The following RGS7 variants were observed in gnomAD, a reference collection of about 807,000 sequenced individuals.
The protein encoded by RGS7 is regulator of G protein signaling 7, also known as regulator of G-protein signaling 7.
RGS7 carries 27 observed loss-of-function variants against 81.1 expected under a neutral mutation model. That is an observed-to-expected ratio of 0.33 (90% CI 0.25 to 0.46). The LOEUF is 0.46. RGS7 is among the 20% of genes least tolerant of loss of function. The pLI, the probability that RGS7 is intolerant of heterozygous loss-of-function variation, is 1.00. For missense variants in RGS7, 396 were observed against 607.4 expected, an observed-to-expected ratio of 0.65 and a Z score of 3.66; for synonymous variants, 208 against 207.7, an observed-to-expected ratio of 1.00 and a Z score of -0.01.
chr1:241,320,072 C>G (rs1417964451), intron 2 of RGS7, among the ~76,000 whole-genome samples: 1 of 152,136 alleles, frequency 6.6e-6, no homozygotes, highest in Non-Finnish European at 1.5e-5. Context: ...GCCTGGGCAA[C>G]AGAGCGAGAC....
rs35939099 is a variant in RGS7, at chr1:241,299,935, CAAA to C, written c.78+55761_78+55763del. 9.0e-3 allele frequency among the ~76,000 whole-genome samples: 523 copies of C among 58,082 alleles called. 6 individuals carry two copies. The highest frequency in any genetic ancestry group is 0.033 in the African/African-American group (499 of 15,044). 38.1% of individuals were successfully genotyped at this position (58,082 alleles called of 152,430 possible). A position where few individuals can be genotyped will look rare whatever the true frequency, so the allele number is the denominator to read the frequency against. ...GTAACACACAGATACCTCGTTTCTC[CAAA>C]AAAAAAAAAAAAAAAAAAAAGTAAA... On this transcript the variant is annotated intron_variant, in intron 2 of 18. Transcript: ENST00000440928.
At chr1:240,907,369 AAAATACT>A (rs1670987300) in intron 6 of RGS7, among the ~76,000 whole-genome samples, 1 of 152,108 alleles carries the variant, frequency 6.6e-6, no homozygotes, top group African/African-American at 2.4e-5. Context: ...TAAAATAAAT[AAAATACT>A]AAATACTAAA....
chr1:241,124,585 G>GT (rs1331377749), intron 2 of RGS7, among the ~76,000 whole-genome samples: 1 of 152,212 alleles, frequency 6.6e-6, no homozygotes, highest in Non-Finnish European at 1.5e-5. Flanking sequence ...GTACAAGGCG[G>GT]TTCTATTAAA....
At chr1:240,920,075 T>C (rs1673248395) in intron 6 of RGS7, 2 of 962,248 alleles carry the variant, frequency 2.1e-6, no homozygotes, top group Non-Finnish European at 3.3e-6. Context: ...ATTGAGGCAA[T>C]GGCAAGAAAA....
chr1:241,078,794 C>A (rs1165826275), intron 3 of RGS7, among the ~76,000 whole-genome samples: 1 of 152,042 alleles, frequency 6.6e-6, no homozygotes, highest in Non-Finnish European at 1.5e-5. Flanking sequence ...TTGCTGACAG[C>A]ACTTATGACC....
chr1:240,889,887 T>G (rs1032136872), intron 6 of RGS7, among the ~76,000 whole-genome samples: 2 of 152,096 alleles, frequency 1.3e-5, no homozygotes, highest in Non-Finnish European at 2.9e-5. Flanking sequence ...ATGCGCACAC[T>G]AGAGGCTGAT....
At chr1:241,275,756 T>C (rs372642220) in intron 2 of RGS7, among the ~76,000 whole-genome samples, 18 of 152,330 alleles carry the variant, frequency 1.2e-4, no homozygotes, top group Middle Eastern at 3.4e-3. Flanking sequence ...GCTGCAAGCA[T>C]TGCCATTCCA....
chr1:241,039,189 T>C (rs1030411253), intron 3 of RGS7, among the ~76,000 whole-genome samples: 4 of 152,176 alleles, frequency 2.6e-5, no homozygotes, highest in African/African-American at 7.2e-5. Flanking sequence ...TGTAGTTGCA[T>C]TGGTCCAGGG....
chr1:241,084,209 A>G (rs188135234), intron 3 of RGS7, among the ~76,000 whole-genome samples: 2 of 152,306 alleles, frequency 1.3e-5, no homozygotes, highest in Admixed American at 1.3e-4. Flanking sequence ...TAACACTGAG[A>G]CATATTCATC....
At position 240,937,246 on chromosome 1, in the gene RGS7, G is replaced by A. The variant is rs563753557; in HGVS notation, c.227-540C>T. 3.9e-5 allele frequency among the ~76,000 whole-genome samples: 6 copies of A among 152,284 alleles called. No individual in the cohort carries two copies. The South Asian group carries it at 1.2e-3, about 32-fold the overall frequency. ...AAAAACCCCTTCCCTCCTTTGTTCG[G>A]TGTGCTCTCGCAGTGGCCAGAAGTG... On this transcript the variant is annotated intron_variant, in intron 4 of 18. Coordinates refer to ENST00000440928, the MANE Select transcript of RGS7 (RefSeq NM_001364886.1).
At chr1:241,331,458 T>C (rs564551611) in intron 2 of RGS7, among the ~76,000 whole-genome samples, 7 of 152,218 alleles carry the variant, frequency 4.6e-5, no homozygotes, top group Non-Finnish European at 8.8e-5. Context: ...ATATATAGTA[T>C]ATGTAAAGTG....
chr1:240,788,077 G>T (rs1006085379), intron 18 of RGS7, among the ~76,000 whole-genome samples: 3 of 152,160 alleles, frequency 2.0e-5, no homozygotes, highest in Admixed American at 6.5e-5. Flanking sequence ...TTATTAAATG[G>T]GACAACATTA....
At chr1:241,348,058 C>G (rs2083014964) in intron 2 of RGS7, among the ~76,000 whole-genome samples, 1 of 152,124 alleles carries the variant, frequency 6.6e-6, no homozygotes, top group Non-Finnish European at 1.5e-5. Context: ...TGGACACTAG[C>G]CACCAAGACC....
At chr1:240,793,611 A>ATTTTTTT (rs1205854418) in intron 18 of RGS7, among the ~76,000 whole-genome samples, 4 of 78,806 alleles carry the variant, frequency 5.1e-5, no homozygotes, top group Middle Eastern at 9.3e-3. Context: ...ATATATATAT[A>ATTTTTTT]TTTTTTTTTT....
intron 9 of RGS7, among the ~76,000 whole-genome samples, chr1:240,831,591 G>T (rs1472992784): frequency 6.6e-6 from 1 of 151,244 alleles, no homozygotes. Flanking sequence ...GTGGAAGTTG[G>T]CACAGAGCAT....
chr1:241,051,605 CCTT>C (rs1264646316), intron 3 of RGS7, among the ~76,000 whole-genome samples: 1 of 151,898 alleles, frequency 6.6e-6, no homozygotes, highest in East Asian at 1.9e-4. Flanking sequence ...CCTTTCCTCT[CCTT>C]CTCTTGCTTA....
At position 240,777,164 on chromosome 1, in the gene RGS7, G is replaced by A. The variant is rs572043007; in HGVS notation, c.*7-951C>T. Among the ~76,000 whole-genome samples the A allele has an allele frequency of 2.7e-3, 416 of 152,100 alleles. 1 individual carries two copies. The highest frequency in any genetic ancestry group is 2.6e-3 in the Non-Finnish European group (178 of 68,000). On this transcript the variant is annotated intron_variant, in intron 18 of 18. Transcript: ENST00000440928. ...ACAAAAATAAGCCAGGCGTGGTGGC[G>A]GGCACCTGTAATCCCAGCTACTCAG...
chr1:240,925,254 T>C (rs1674246805), intron 6 of RGS7, among the ~76,000 whole-genome samples: 1 of 152,124 alleles, frequency 6.6e-6, no homozygotes, highest in Non-Finnish European at 1.5e-5. Flanking sequence ...TAGTAGGTAC[T>C]TTTTCAGCCC....
intron 12 of RGS7, 26 bp from the exon 13 acceptor site, chr1:240,813,754 T>G: frequency 6.8e-7 from 1 of 1,478,846 alleles, no homozygotes; most frequent in Non-Finnish European, 9.5e-7. Context: ...ATTTCCAGTT[T>G]CTTTAGTTTT....
Sources: allele counts gnomAD v4.1 joint callset (sites outside exome capture counted in the v4.1 genomes callset), GRCh38; gene constraint gnomAD v4.1.1; transcripts MANE v1.5; gene names NCBI Gene and HGNC (gene_info 2026-07-23, HGNC 2026-07-21).